The following UGT1A8 variants were observed in gnomAD, a reference collection of about 807,000 sequenced individuals.
UGT1A8 encodes the protein UDP-glucuronosyltransferase 1A8.
UGT1A8 carries 39 observed loss-of-function variants against 45.3 expected under a neutral mutation model. The observed-to-expected ratio is 0.86, with a 90% CI of 0.67 to 1.12. UGT1A8 has a LOEUF of 1.12. UGT1A8 is among the 50% of genes most tolerant of loss of function. The probability of loss-of-function intolerance (pLI) is 0.00; values close to 1 mark genes in which losing one functional copy is unlikely to be tolerated. For synonymous variants in UGT1A8, 275 were observed against 249.2 expected (o/e 1.10, Z -0.97); for missense variants, 719 against 664.9 (o/e 1.08, Z -0.90).
At chr2:233,655,923 G>T (rs1019626307) in intron 1 of UGT1A8, among the ~76,000 whole-genome samples, 2 of 152,090 alleles carry the variant, frequency 1.3e-5, no homozygotes, top group Non-Finnish European at 2.9e-5. Context: ...TCTGATCACT[G>T]AAAAATTACA....
intron 4 of UGT1A8, 31 bp downstream of exon 4, chr2:233,768,470 G>A: frequency 6.2e-7 from 1 of 1,602,840 alleles, no homozygotes; most frequent in Non-Finnish European, 8.5e-7. Flanking sequence ...GAATACTTTG[G>A]TCATGGCATT....
At chr2:233,750,986 G>A (rs1230774000) in intron 1 of UGT1A8, among the ~76,000 whole-genome samples, 5 of 151,784 alleles carry the variant, frequency 3.3e-5, no homozygotes, top group African/African-American at 1.2e-4. Context: ...TTGTGAGAAG[G>A]CGGCCACCAT....
At chr2:233,668,096 T>G (rs1461244923) in intron 1 of UGT1A8, among the ~76,000 whole-genome samples, 1 of 152,134 alleles carries the variant, frequency 6.6e-6, no homozygotes, top group Non-Finnish European at 1.5e-5. Flanking sequence ...AGGGTACATG[T>G]GCACAACATG....
intron 1 of UGT1A8, chr2:233,713,481 T>C (rs1386809200): frequency 3.1e-6 from 5 of 1,614,080 alleles, no homozygotes; most frequent in Non-Finnish European, 4.2e-6. Context: ...GCTGGCTAAG[T>C]ACCTGTCGAT....
At chr2:233,631,156 CAA>C (rs2073179515) in intron 1 of UGT1A8, among the ~76,000 whole-genome samples, 1 of 152,114 alleles carries the variant, frequency 6.6e-6, no homozygotes. Flanking sequence ...CATGTCCCTG[CAA>C]AAGACATGAA....
chr2:233,767,983 AG>A (rs1699537799), intron 3 of UGT1A8, 47 bp downstream of exon 3: 1 of 1,614,082 alleles, frequency 6.2e-7, no homozygotes, highest in African/African-American at 1.3e-5. Context: ...GGTCAAATTA[AG>A]AAAATGGCTT....
At chr2:233,698,366 A>T (rs757366635) in intron 1 of UGT1A8, among the ~76,000 whole-genome samples, 3 of 152,230 alleles carry the variant, frequency 2.0e-5, no homozygotes, top group Non-Finnish European at 2.9e-5. Context: ...GCTGAATGCC[A>T]TGAAATTGTT....
intron 1 of UGT1A8, among the ~76,000 whole-genome samples, chr2:233,685,060 G>A (rs13002774): frequency 0.39 from 59,158 of 151,910 alleles, 11,718 homozygotes; most frequent in South Asian, 0.45. Context: ...CTTAAGCTCT[G>A]CACAGGAGAT....
At chr2:233,678,190 G>A (rs2074411420) in intron 1 of UGT1A8, among the ~76,000 whole-genome samples, 1 of 152,190 alleles carries the variant, frequency 6.6e-6, no homozygotes, top group Admixed American at 6.5e-5. Flanking sequence ...GGCTGCAAGA[G>A]TTGAAAAACT....
intron 1 of UGT1A8, chr2:233,648,420 G>A (rs148696601): frequency 4.9e-6 from 1 of 204,802 alleles, no homozygotes; most frequent in African/African-American, 2.3e-5. Context: ...ATGTCTCAGG[G>A]TTTTCGGATG....
rs1377553031 is a variant in UGT1A8 at position 233,755,239 on chromosome 2, G to C, written c.856-11795G>C. 12 of 885,954 alleles carry C rather than the reference G, an allele frequency of 1.4e-5. No individual in the cohort carries two copies. The South Asian group carries it at 1.5e-4, about 11-fold the overall frequency. The allele number at this position is 885,954 out of a possible 1,614,324, so 54.9% of individuals were successfully genotyped here. A position where few individuals can be genotyped will look rare whatever the true frequency, so the allele number is the denominator to read the frequency against. On this transcript the variant is annotated intron_variant, in intron 1 of 4. Transcript: ENST00000373450. ...ATACCCTCGGACGAGGCCTACCGGG[G>C]TACTCCCAGCACCTCGTAGTAGTCC...
chr2:233,743,264 C>T, intron 1 of UGT1A8: 1 of 454,126 alleles, frequency 2.2e-6, no homozygotes, highest in South Asian at 1.7e-5. Context: ...CCATCTTCCT[C>T]CACTTCCACC....
intron 1 of UGT1A8, among the ~76,000 whole-genome samples, chr2:233,666,597 ATG>A (rs1355135474): frequency 1.3e-5 from 2 of 151,722 alleles, no homozygotes; most frequent in Non-Finnish European, 2.9e-5. Context: ...CAGTCTGTAG[ATG>A]TTTTTTTTAA....
intron 1 of UGT1A8, among the ~76,000 whole-genome samples, chr2:233,623,902 G>A (rs1247394067): frequency 6.6e-6 from 1 of 152,146 alleles, no homozygotes; most frequent in Non-Finnish European, 1.5e-5. Flanking sequence ...CTCCCATCAT[G>A]CCTCTGATGA....
chr2:233,708,981 C>T (rs1463866710), intron 1 of UGT1A8, among the ~76,000 whole-genome samples: 1 of 152,110 alleles, frequency 6.6e-6, no homozygotes, highest in African/African-American at 2.4e-5. Context: ...TCTGTTTCCT[C>T]GGCCGTGGCA....
chr2:233,684,115 G>T (rs1559340861), intron 1 of UGT1A8, among the ~76,000 whole-genome samples: 1 of 152,004 alleles, frequency 6.6e-6, no homozygotes, highest in East Asian at 1.9e-4. Flanking sequence ...TATTGTTCTG[G>T]CTTCTTACAA....
intron 1 of UGT1A8, among the ~76,000 whole-genome samples, chr2:233,700,272 A>G (rs1488856849): frequency 6.6e-6 from 1 of 152,218 alleles, no homozygotes; most frequent in Non-Finnish European, 1.5e-5. Context: ...CTTAATAGGC[A>G]CTTTTTAAAA....
chr2:233,698,976 C>G (rs1363458651), intron 1 of UGT1A8, among the ~76,000 whole-genome samples: 1 of 152,218 alleles, frequency 6.6e-6, no homozygotes, highest in Non-Finnish European at 1.5e-5. Flanking sequence ...AGCCCTTTGG[C>G]CACCCAGGTG....
chr2:233,736,852 G>A (rs2078820278), intron 1 of UGT1A8, among the ~76,000 whole-genome samples: 1 of 152,188 alleles, frequency 6.6e-6, no homozygotes, highest in Non-Finnish European at 1.5e-5. Flanking sequence ...AGTGGAGGCT[G>A]CAGAACAGCA....
Sources: allele counts gnomAD v4.1 joint callset (sites outside exome capture counted in the v4.1 genomes callset), GRCh38; gene constraint gnomAD v4.1.1; transcripts MANE v1.5; gene names NCBI Gene and HGNC (gene_info 2026-07-23, HGNC 2026-07-21).